NEGR1: variants seen among roughly 807,000 people sequenced by gnomAD.
The protein encoded by NEGR1 is IgLON family member 4.
NEGR1 carries 10 observed loss-of-function variants against 40.9 expected under a neutral mutation model. That is an observed-to-expected ratio of 0.24 (90% CI 0.15 to 0.42). The LOEUF (loss-of-function observed/expected upper bound fraction) is 0.42, where lower values mean the gene tolerates loss of function less well. Among genes scored for constraint, NEGR1 ranks in the 10% least tolerant of loss-of-function variants. The pLI is 1.00. For synonymous variants in NEGR1, 185 were observed against 166.8 expected, an observed-to-expected ratio of 1.11 and a Z score of -0.84; for missense variants, 352 against 438.9, an observed-to-expected ratio of 0.80 and a Z score of 1.77.
chr1:71,519,816 G>T (rs1647142584), intron 6 of NEGR1, among the ~76,000 whole-genome samples: 1 of 151,736 alleles, frequency 6.6e-6, no homozygotes. Context: ...GTCTTAGGCA[G>T]CCCATTTTGA....
At chr1:71,931,446 A>T (rs976652181) in intron 2 of NEGR1, among the ~76,000 whole-genome samples, 2 of 151,536 alleles carry the variant, frequency 1.3e-5, no homozygotes, top group African/African-American at 4.9e-5. Flanking sequence ...TATAATGAAC[A>T]GAAACTTATT....
At chr1:72,270,620 TTCA>T (rs1232049916) in intron 1 of NEGR1, among the ~76,000 whole-genome samples, 3 of 151,944 alleles carry the variant, frequency 2.0e-5, no homozygotes, top group African/African-American at 7.2e-5. Flanking sequence ...GCCACAAATG[TTCA>T]TCTTCATCCT....
chr1:72,220,294 AAC>A (rs918382947), intron 1 of NEGR1, among the ~76,000 whole-genome samples: 10 of 151,956 alleles, frequency 6.6e-5, no homozygotes, highest in South Asian at 2.1e-4. Flanking sequence ...GTGTGTGTAA[AAC>A]ACAGGGATAT....
intron 1 of NEGR1, among the ~76,000 whole-genome samples, chr1:72,130,340 A>T (rs973841195): frequency 2.0e-5 from 3 of 152,194 alleles, no homozygotes; most frequent in Admixed American, 2.0e-4. Context: ...AAACAAGTAT[A>T]AATGAGCCCC....
chr1:71,678,176 A>C (rs1163474201), intron 4 of NEGR1, among the ~76,000 whole-genome samples: 1 of 152,188 alleles, frequency 6.6e-6, no homozygotes, highest in Admixed American at 6.5e-5. Context: ...AATTGTACTT[A>C]TACTACAAGG....
intron 1 of NEGR1, among the ~76,000 whole-genome samples, chr1:72,251,691 A>C (rs904015833): frequency 2.6e-5 from 4 of 152,240 alleles, no homozygotes; most frequent in Non-Finnish European, 4.4e-5. Context: ...TACTCAGTAC[A>C]TACATAATCA....
chr1:71,888,032 CA>C (rs1660776642), intron 2 of NEGR1, among the ~76,000 whole-genome samples: 3 of 142,858 alleles, frequency 2.1e-5, no homozygotes, highest in African/African-American at 5.3e-5. Context: ...CACACACACA[CA>C]CACCTCTAGA....
intron 5 of NEGR1, among the ~76,000 whole-genome samples, chr1:71,596,531 C>T (rs1421476916): frequency 2.0e-5 from 3 of 152,202 alleles, no homozygotes; most frequent in Non-Finnish European, 4.4e-5. Context: ...ACAGTCATAA[C>T]CTCCCTCCAG....
chr1:71,541,212 T>TCAATTC, intron 6 of NEGR1, among the ~76,000 whole-genome samples: 1 of 151,468 alleles, frequency 6.6e-6, no homozygotes, highest in African/African-American at 2.4e-5. Context: ...GTAGGAAAGG[T>TCAATTC]TTTTTTTAAA....
chr1:71,626,098 A>T (rs1650765284), intron 4 of NEGR1, among the ~76,000 whole-genome samples: 1 of 151,930 alleles, frequency 6.6e-6, no homozygotes, highest in African/African-American at 2.4e-5. Context: ...CCAACCCCTC[A>T]GTCCATAGAA....
At chr1:71,998,069 T>C (rs978411784) in intron 1 of NEGR1, among the ~76,000 whole-genome samples, 11 of 152,000 alleles carry the variant, frequency 7.2e-5, no homozygotes, top group Admixed American at 4.6e-4. Flanking sequence ...CCAGGAGTTG[T>C]AATTGTGGTT....
chr1:71,493,576 G>A (rs999871616), intron 6 of NEGR1, among the ~76,000 whole-genome samples: 1 of 152,050 alleles, frequency 6.6e-6, no homozygotes, highest in Non-Finnish European at 1.5e-5. Flanking sequence ...AACATATACT[G>A]TTTCCATAAT....
intron 4 of NEGR1, 171 bp downstream of exon 4, chr1:71,697,837 T>C (rs895645834): frequency 1.6e-6 from 1 of 606,612 alleles, no homozygotes. Context: ...CAATTGTTGT[T>C]ACATTAACCA....
At chr1:72,116,269 T>G (rs559804730) in intron 1 of NEGR1, among the ~76,000 whole-genome samples, 85 of 151,790 alleles carry the variant, frequency 5.6e-4, no homozygotes, top group Non-Finnish European at 1.1e-3. Flanking sequence ...TAAAAGATAC[T>G]TAGAAAGTTA....
chr1:71,696,114 C>T (rs912547820), intron 4 of NEGR1, among the ~76,000 whole-genome samples: 1 of 151,638 alleles, frequency 6.6e-6, no homozygotes, highest in Non-Finnish European at 1.5e-5. Flanking sequence ...GACTCTTCAG[C>T]GTTCCTGGTA....
Position 71,898,349 on chromosome 1 carries a change from T to C in NEGR1, c.409+36730A>G, listed in dbSNP as rs567772734. The stretch of plus-strand genomic sequence containing the variant: ...CTGCTTTGCTGGCCGGGCGCGGTGG[T>C]TCACGCCTGTAATCCCAGCACTTTG... On this transcript the variant is annotated intron_variant, in intron 2 of 6. Transcript: ENST00000357731. Among the ~76,000 whole-genome samples the C allele has an allele frequency of 1.1e-4, 17 of 152,004 alleles. No homozygotes were observed. In the South Asian group the frequency reaches 3.1e-3, roughly 28 times the overall value.
intron 2 of NEGR1, among the ~76,000 whole-genome samples, chr1:71,818,415 G>A (rs972383840): frequency 2.0e-5 from 3 of 151,872 alleles, no homozygotes; most frequent in African/African-American, 4.8e-5. Context: ...ATCTAACTAA[G>A]CAAACTAATG....
chr1:71,907,605 T>C (rs1661312211), intron 2 of NEGR1, among the ~76,000 whole-genome samples: 1 of 152,122 alleles, frequency 6.6e-6, no homozygotes, highest in Admixed American at 6.6e-5. Context: ...TTTGGAAATT[T>C]CTCAAAAAAC....
At chr1:71,664,334 C>A (rs896597114) in intron 4 of NEGR1, among the ~76,000 whole-genome samples, 8 of 152,144 alleles carry the variant, frequency 5.3e-5, no homozygotes, top group Non-Finnish European at 1.2e-4. Context: ...CCAGAAGATT[C>A]TGATGTTAGA....
Sources: allele counts gnomAD v4.1 joint callset (sites outside exome capture counted in the v4.1 genomes callset), GRCh38; gene constraint gnomAD v4.1.1; transcripts MANE v1.5; gene names NCBI Gene and HGNC (gene_info 2026-07-23, HGNC 2026-07-21).